ANO1: variants seen among roughly 807,000 people sequenced by gnomAD.
ANO1 encodes anoctamin 1, also known as anoctamin-1.
Under a neutral mutation model 124.0 loss-of-function variants are expected in ANO1, and 59 were observed. The ratio of observed to expected loss-of-function variants is 0.48; its 90% CI spans 0.39 to 0.59. ANO1 has a LOEUF of 0.59. ANO1 is among the 20% of genes least tolerant of loss of function. ANO1 has a pLI of 0.00. For synonymous variants in ANO1, 529 were observed against 532.0 expected (o/e 0.99, Z 0.08); for missense variants, 1,059 against 1,328.0 (o/e 0.80, Z 3.15).
intron 10 of ANO1, 134 bp downstream of exon 10, chr11:70,126,329 G>C: frequency 2.6e-6 from 3 of 1,157,988 alleles, no homozygotes; most frequent in Non-Finnish European, 3.5e-6. Flanking sequence ...GCCAAGCCAC[G>C]AGCCGTCAGG....
At chr11:69,976,308 G>A in the ANO1 span, among the ~76,000 whole-genome samples, 1 of 151,938 alleles carries the variant, frequency 6.6e-6, no homozygotes, top group African/African-American at 2.4e-5. Context: ...AGGAGTTCGA[G>A]ACCATCCTGG....
chr11:70,056,056 TAAAC>T (rs1351398773), intron 1 of ANO1, among the ~76,000 whole-genome samples: 4 of 152,260 alleles, frequency 2.6e-5, no homozygotes, highest in Non-Finnish European at 5.9e-5. Flanking sequence ...ATTGCTATTT[TAAAC>T]AATCAATATT....
chr11:69,980,890 A>T, the ANO1 span, among the ~76,000 whole-genome samples: 1 of 152,026 alleles, frequency 6.6e-6, no homozygotes, highest in African/African-American at 2.4e-5. Context: ...CGTCTCTACT[A>T]AAAATATAAA....
chr11:70,130,299 G>T (rs1194735447), intron 10 of ANO1, among the ~76,000 whole-genome samples: 2 of 152,186 alleles, frequency 1.3e-5, no homozygotes, highest in Non-Finnish European at 2.9e-5. Context: ...AAAGGACTTG[G>T]CCAGGGCCAC....
At chr11:70,128,897 T>G (rs930602424) in intron 10 of ANO1, among the ~76,000 whole-genome samples, 2 of 152,236 alleles carry the variant, frequency 1.3e-5, no homozygotes, top group Non-Finnish European at 2.9e-5. Flanking sequence ...GTAGGGCTCA[T>G]GGGCAGGCCG....
At chr11:69,968,536 C>A in the ANO1 span, among the ~76,000 whole-genome samples, 1 of 152,188 alleles carries the variant, frequency 6.6e-6, no homozygotes, top group African/African-American at 2.4e-5. Flanking sequence ...TACCAAGGAG[C>A]CCTCGAATGA....
the ANO1 span, among the ~76,000 whole-genome samples, chr11:69,968,680 G>A: frequency 2.0e-5 from 3 of 152,306 alleles, no homozygotes; most frequent in African/African-American, 7.2e-5. Flanking sequence ...CCTCAGGCAG[G>A]GTCCCTTCCC....
At chr11:70,048,528 C>A (rs925037748) in intron 1 of ANO1, among the ~76,000 whole-genome samples, 1 of 151,990 alleles carries the variant, frequency 6.6e-6, no homozygotes, top group Non-Finnish European at 1.5e-5. Context: ...AAAATCCAAA[C>A]CTTGAAATAA....
chr11:70,156,000 T>G lies in ANO1; in HGVS notation c.1503+12T>G. 6.6e-7 allele frequency: 1 copy of G among 1,510,700 alleles called. No individual in the cohort carries two copies. The highest frequency in any genetic ancestry group is 1.4e-5 in the African/African-American group (1 of 70,452). The allele number at this position is 1,510,700 out of a possible 1,614,324, so 93.6% of individuals were successfully genotyped here. A position where few individuals can be genotyped will look rare whatever the true frequency, so the allele number is the denominator to read the frequency against. The stretch of plus-strand genomic sequence containing the variant: ...CGGGGGTGAAATTGGTACTTTTCTA[T>G]TTTGCGGGCAGCGCGCGTCTTGACT... On this transcript the variant is annotated intron_variant, in intron 15 of 25. Transcript: ENST00000355303.
At chr11:69,996,326 T>A (rs1856271343) in intron 1 of ANO1, among the ~76,000 whole-genome samples, 1 of 152,042 alleles carries the variant, frequency 6.6e-6, no homozygotes, top group Non-Finnish European at 1.5e-5. Context: ...AAACAATAGG[T>A]GAGTAAGAAG....
intron 11 of ANO1, among the ~76,000 whole-genome samples, chr11:70,142,082 A>G (rs934638147): frequency 3.9e-5 from 6 of 152,216 alleles, no homozygotes; most frequent in Non-Finnish European, 2.9e-5. Context: ...GACATTTGAA[A>G]GCCTCAAATA....
At chr11:70,175,413 G>C (rs2135795508) in intron 22 of ANO1, among the ~76,000 whole-genome samples, 1 of 152,382 alleles carries the variant, frequency 6.6e-6, no homozygotes, top group East Asian at 1.9e-4. Flanking sequence ...CCCCAGGCGA[G>C]CTCCTTGAGA....
intron 1 of ANO1, among the ~76,000 whole-genome samples, chr11:70,062,067 CTTTTTTTTTTTTTT>C (rs1175846749): frequency 1.9e-4 from 12 of 62,270 alleles, no homozygotes; most frequent in Non-Finnish European, 3.0e-5. Flanking sequence ...TTCCTTCTTT[CTTTTTTTTTTTTTT>C]TTTTTTTTTT....
intron 1 of ANO1, among the ~76,000 whole-genome samples, chr11:70,018,748 G>GA (rs1565162056): frequency 6.6e-6 from 1 of 152,228 alleles, no homozygotes; most frequent in African/African-American, 2.4e-5. Context: ...CGGAAAGACT[G>GA]AAGAACAAAC....
intron 1 of ANO1, among the ~76,000 whole-genome samples, chr11:70,062,643 C>A (rs533756331): frequency 6.6e-6 from 1 of 152,192 alleles, no homozygotes; most frequent in Non-Finnish European, 1.5e-5. Context: ...GTGCCTGTCT[C>A]AGCAAGGGGG....
intron 11 of ANO1, among the ~76,000 whole-genome samples, chr11:70,136,469 C>A (rs1409713043): frequency 8.4e-6 from 1 of 118,372 alleles, no homozygotes; most frequent in African/African-American, 2.5e-5. Context: ...TGGCCTCAGT[C>A]CTGATTTAAA....
intron 2 of ANO1, among the ~76,000 whole-genome samples, chr11:70,091,520 G>A (rs965132866): frequency 6.6e-6 from 1 of 152,192 alleles, no homozygotes; most frequent in Non-Finnish European, 1.5e-5. Context: ...GTGTACGTGG[G>A]GGGCAAAACC....
intron 1 of ANO1, among the ~76,000 whole-genome samples, chr11:70,018,611 C>G (rs1856743166): frequency 6.6e-6 from 1 of 152,178 alleles, no homozygotes; most frequent in Non-Finnish European, 1.5e-5. Flanking sequence ...GAGCAGAACC[C>G]CCTCCCAACC....
At chr11:69,979,974 A>G in the ANO1 span, among the ~76,000 whole-genome samples, 1 of 152,176 alleles carries the variant, frequency 6.6e-6, no homozygotes, top group Non-Finnish European at 1.5e-5. Flanking sequence ...AGGGAATTGA[A>G]TAACATTAGC....
Sources: gnomAD v4.1 joint callset for allele counts (sites outside exome capture counted in the v4.1 genomes callset) on GRCh38, gnomAD v4.1.1 for gene constraint, MANE v1.5 for transcripts, NCBI Gene and HGNC (gene_info 2026-07-23, HGNC 2026-07-21) for gene names.